FAR2: variants seen among roughly 807,000 people sequenced by gnomAD.
The protein encoded by FAR2 is epididymis secretory protein Li 81.
Under a neutral mutation model 56.0 loss-of-function variants are expected in FAR2, and 19 were observed. That is an observed-to-expected ratio of 0.34 (90% CI 0.24 to 0.50). FAR2 has a LOEUF of 0.50. FAR2 is among the 20% of genes least tolerant of loss of function. FAR2 has a pLI of 0.98. For missense variants in FAR2, 508 were observed against 642.2 expected (o/e 0.79, Z 2.26); for synonymous variants, 219 against 218.8 (o/e 1.00, Z -0.01).
At chr12:29,200,789 C>T (rs924519965) in intron 1 of FAR2, among the ~76,000 whole-genome samples, 3 of 152,150 alleles carry the variant, frequency 2.0e-5, no homozygotes, top group African/African-American at 4.8e-5. Context: ...GTGCGTTTTA[C>T]TCAGGAAGCC....
chr12:29,176,695 G>T (rs373162374), intron 1 of FAR2, among the ~76,000 whole-genome samples: 2 of 152,272 alleles, frequency 1.3e-5, no homozygotes, highest in East Asian at 3.9e-4. Flanking sequence ...ATAGTATAAA[G>T]AAAATGTGAA....
intron 10 of FAR2, among the ~76,000 whole-genome samples, chr12:29,322,653 T>C (rs1206864751): frequency 3.3e-5 from 5 of 152,230 alleles, no homozygotes; most frequent in Non-Finnish European, 7.3e-5. Context: ...TTCTCAGTCA[T>C]GTATCCCGTT....
Position 29,174,423 on chromosome 12 carries a change from C to CTTTTTTT in FAR2, c.-39+25039_-39+25045dup, listed in dbSNP as rs55827253. On this transcript the variant is annotated intron_variant, in intron 1 of 11. Transcript: ENST00000536681. Reference sequence around the variant, plus strand: ...CCAGAGACAGGGAGTGGTTTTTATTCTTTTTTTTTTTTTTTTTTTTTTTTT... The same window carrying CTTTTTTT: ...CCAGAGACAGGGAGTGGTTTTTATTCTTTTTTTTTTTTTTTTTTTTTTTTTTTTTTTT... 5.2e-4 allele frequency among the ~76,000 whole-genome samples: 29 copies of CTTTTTTT among 55,436 alleles called. 2 individuals are homozygous for CTTTTTTT. Among genetic ancestry groups the CTTTTTTT allele is most frequent in the African/African-American group, 6.6e-4 (8 of 12,208 alleles). 36.4% of individuals were successfully genotyped at this position (55,436 alleles called of 152,430 possible). A position where few individuals can be genotyped will look rare whatever the true frequency, so the allele number is the denominator to read the frequency against.
At chr12:29,274,821 A>G (rs1475132872) in intron 2 of FAR2, among the ~76,000 whole-genome samples, 5 of 142,428 alleles carry the variant, frequency 3.5e-5, no homozygotes, top group African/African-American at 1.5e-4. Context: ...CCCAAATCCT[A>G]TAAAACGGCC....
Position 29,253,200 on chromosome 12 carries a change from T to C in FAR2, c.-38-17212T>C, listed in dbSNP as rs1340022239. Among the ~76,000 whole-genome samples the C allele has an allele frequency of 1.3e-5, 2 of 149,606 alleles. 1 individual carries two copies. The highest frequency in any genetic ancestry group is 3.0e-5 in the Non-Finnish European group (2 of 67,606). ...CTATCTCTCTCTCTATCTATCTATC[T>C]AGATAGGTATCTATATATCGATATC... On this transcript the variant is annotated intron_variant, in intron 1 of 11. Coordinates refer to ENST00000536681, the MANE Select transcript of FAR2 (RefSeq NM_001271783.2).
intron 1 of FAR2, among the ~76,000 whole-genome samples, chr12:29,259,709 T>G (rs1287674326): frequency 6.6e-6 from 1 of 152,234 alleles, no homozygotes; most frequent in East Asian, 1.9e-4. Flanking sequence ...ATGAAAAATC[T>G]AACCTGCATA....
At chr12:29,256,083 G>A (rs371883493) in intron 1 of FAR2, among the ~76,000 whole-genome samples, 1 of 152,194 alleles carries the variant, frequency 6.6e-6, no homozygotes, top group African/African-American at 2.4e-5. Context: ...TGTTAGCCAG[G>A]CTAGTCATAA....
At chr12:29,303,581 G>A (rs1949210651) in intron 4 of FAR2, among the ~76,000 whole-genome samples, 1 of 152,170 alleles carries the variant, frequency 6.6e-6, no homozygotes, top group African/African-American at 2.4e-5. Flanking sequence ...CAGGGGAATG[G>A]AGGCCCCCAC....
chr12:29,333,312 A>G, intron 11 of FAR2: 1 of 272,186 alleles, frequency 3.7e-6, no homozygotes, highest in Admixed American at 5.0e-5. Context: ...TTACCTTCTA[A>G]TGAACAAGAA....
At chr12:29,229,097 G>A (rs10843348) in intron 1 of FAR2, among the ~76,000 whole-genome samples, 86,702 of 151,976 alleles carry the variant, frequency 0.57, 25,058 homozygotes, top group East Asian at 0.67. Context: ...TGTCTTCCCC[G>A]CTGAGTATGG....
At chr12:29,263,345 C>T (rs1948456389) in intron 1 of FAR2, among the ~76,000 whole-genome samples, 1 of 152,142 alleles carries the variant, frequency 6.6e-6, no homozygotes, top group Admixed American at 6.5e-5. Context: ...CTACAGAATA[C>T]ACATTCTTCT....
At chr12:29,273,039 C>T (rs982005069) in intron 2 of FAR2, among the ~76,000 whole-genome samples, 2 of 152,106 alleles carry the variant, frequency 1.3e-5, no homozygotes, top group Non-Finnish European at 2.9e-5. Flanking sequence ...CCTCTGACCT[C>T]GAGGGGCACC....
intron 1 of FAR2, among the ~76,000 whole-genome samples, chr12:29,238,381 C>G (rs562089009): frequency 1.3e-5 from 2 of 152,112 alleles, no homozygotes; most frequent in African/African-American, 2.4e-5. Flanking sequence ...TTCTCTCTCT[C>G]TGTATATATG....
chr12:29,221,497 A>G (rs1947690410), intron 1 of FAR2, among the ~76,000 whole-genome samples: 1 of 152,216 alleles, frequency 6.6e-6, no homozygotes, highest in African/African-American at 2.4e-5. Flanking sequence ...TGGAAAATGC[A>G]AATATCATAA....
chr12:29,183,478 G>A (rs1215163949), intron 1 of FAR2, among the ~76,000 whole-genome samples: 4 of 152,106 alleles, frequency 2.6e-5, no homozygotes, highest in Non-Finnish European at 1.5e-5. Flanking sequence ...TCCAAACTAG[G>A]TTTCTTCTAA....
intron 1 of FAR2, among the ~76,000 whole-genome samples, chr12:29,255,386 G>T (rs991845717): frequency 5.3e-5 from 8 of 152,104 alleles, no homozygotes; most frequent in Non-Finnish European, 4.4e-5. Flanking sequence ...ACCTTCTAAA[G>T]TTCCTTTTTC....
intron 1 of FAR2, among the ~76,000 whole-genome samples, chr12:29,221,667 C>T (rs944750783): frequency 1.3e-5 from 2 of 152,110 alleles, no homozygotes; most frequent in African/African-American, 2.4e-5. Context: ...AGTTTTCTCC[C>T]CCAATTTAAT....
At chr12:29,206,325 G>A (rs373000270) in intron 1 of FAR2, among the ~76,000 whole-genome samples, 3 of 152,304 alleles carry the variant, frequency 2.0e-5, no homozygotes, top group South Asian at 4.1e-4. Context: ...CAAAGGTGAC[G>A]CCAGAGTTTA....
At chr12:29,259,652 T>C (rs868250314) in intron 1 of FAR2, among the ~76,000 whole-genome samples, 1 of 152,140 alleles carries the variant, frequency 6.6e-6, no homozygotes, top group East Asian at 1.9e-4. Flanking sequence ...CAAAACTCTC[T>C]CTATTCATAA....
Sources: gnomAD v4.1 joint callset for allele counts (sites outside exome capture counted in the v4.1 genomes callset) on GRCh38, gnomAD v4.1.1 for gene constraint, MANE v1.5 for transcripts, NCBI Gene and HGNC (gene_info 2026-07-23, HGNC 2026-07-21) for gene names.